Variants in LRMDA observed in about 807,000 individuals in gnomAD.
LRMDA encodes the protein leucine rich melanocyte differentiation associated, also known as leucine-rich melanocyte differentiation-associated protein.
Under a neutral mutation model 29.8 loss-of-function variants are expected in LRMDA, and 18 were observed. The ratio of observed to expected loss-of-function variants is 0.60; its 90% CI spans 0.42 to 0.90. The LOEUF is 0.90. Among genes scored for constraint, LRMDA ranks in the 40% least tolerant of loss-of-function variants. The pLI, the probability that LRMDA is intolerant of heterozygous loss-of-function variation, is 0.00. For missense variants in LRMDA, 273 were observed against 273.9 expected, an observed-to-expected ratio of 1.00 and a Z score of 0.02; for synonymous variants, 125 against 109.4, an observed-to-expected ratio of 1.14 and a Z score of -0.89.
Position 75,954,349 on chromosome 10 carries a change from C to T in LRMDA, c.132-81659C>T, listed in dbSNP as rs562532341. Reference sequence around the variant, plus strand: ...AAGGTCTATCCCGATGATAGGCAGCCCCCCACCGTAAGCTCATATGCAGCC... The same window carrying T: ...AAGGTCTATCCCGATGATAGGCAGCTCCCCACCGTAAGCTCATATGCAGCC... On this transcript the variant is annotated intron_variant, in intron 2 of 6. Coordinates refer to ENST00000611255, the MANE Select transcript of LRMDA (RefSeq NM_001305581.2). Among the ~76,000 whole-genome samples the T allele has an allele frequency of 2.0e-5, 3 of 152,240 alleles. No individual in the cohort carries two copies. The East Asian group carries it at 5.8e-4, about 29-fold the overall frequency.
At position 76,014,130 on chromosome 10, in the gene LRMDA, A is replaced by ATATATATATATATAAT. The variant is rs1328904871; in HGVS notation, c.132-21850_132-21835dup. Reference sequence around the variant, plus strand: ...AGTATATATATATATATATAATTATATATATATATATATAATTATATATAT... The same window carrying ATATATATATATATAAT: ...AGTATATATATATATATATAATTATATATATATATATATAATTATATATATATATAATTATATATAT... On this transcript the variant is annotated intron_variant, in intron 2 of 6. Transcript: ENST00000611255. 7.3e-5 allele frequency among the ~76,000 whole-genome samples: 10 copies of ATATATATATATATAAT among 136,666 alleles called. No homozygotes were observed. In the South Asian group the frequency reaches 1.8e-3, roughly 25 times the overall value. The allele number at this position is 136,666 out of a possible 152,430, so 89.7% of individuals were successfully genotyped here. A position where few individuals can be genotyped will look rare whatever the true frequency, so the allele number is the denominator to read the frequency against.
intron 5 of LRMDA, among the ~76,000 whole-genome samples, chr10:76,091,842 C>T (rs1052540984): frequency 1.3e-5 from 2 of 148,348 alleles, no homozygotes; most frequent in Non-Finnish European, 3.0e-5. Flanking sequence ...TGTGCCACCA[C>T]ATCTGGGTGA....
chr10:76,107,540 C>T (rs1849506948), intron 5 of LRMDA, among the ~76,000 whole-genome samples: 1 of 152,178 alleles, frequency 6.6e-6, no homozygotes, highest in Non-Finnish European at 1.5e-5. Flanking sequence ...TGATTCTGTG[C>T]AGCCCATCTG....
intron 2 of LRMDA, among the ~76,000 whole-genome samples, chr10:75,867,834 T>G (rs1243096622): frequency 2.6e-5 from 4 of 152,154 alleles, no homozygotes; most frequent in African/African-American, 9.7e-5. Flanking sequence ...AAATAGTAGC[T>G]ATTTTTGGCT....
chr10:75,442,684 G>A (rs1358264260), intron 2 of LRMDA, among the ~76,000 whole-genome samples: 1 of 152,134 alleles, frequency 6.6e-6, no homozygotes, highest in African/African-American at 2.4e-5. Context: ...GTCAGGTAGT[G>A]TGATGCCTCT....
intron 6 of LRMDA, among the ~76,000 whole-genome samples, chr10:76,413,629 C>T (rs1343105023): frequency 1.3e-5 from 2 of 152,138 alleles, no homozygotes; most frequent in African/African-American, 4.8e-5. Flanking sequence ...GGTGAGGACA[C>T]AGCCAAACCA....
At chr10:75,743,697 C>G (rs1030868849) in intron 2 of LRMDA, 1 of 152,042 alleles carries the variant, frequency 6.6e-6, no homozygotes, top group African/African-American at 2.4e-5. Context: ...ATGAGGCAAA[C>G]GTTTAGAGAA....
In LRMDA at chr10:75,964,288, C is replaced by G. The variant is rs536726266; in HGVS notation, c.132-71720C>G. On this transcript the variant is annotated intron_variant, in intron 2 of 6. Coordinates refer to ENST00000611255, the MANE Select transcript of LRMDA (RefSeq NM_001305581.2). ...GATGTTAAGAAATGTTTGGTTCCTC[C>G]CTTTGGAAAGCATCCAATTAACACA... is the stretch of plus-strand genomic sequence containing the variant. Among the ~76,000 whole-genome samples the G allele has an allele frequency of 2.0e-5, 3 of 152,276 alleles. No individual in the cohort carries two copies. In the South Asian group the frequency reaches 6.2e-4, roughly 32 times the overall value.
At chr10:76,011,565 C>T (rs1055938746) in intron 2 of LRMDA, among the ~76,000 whole-genome samples, 2 of 152,052 alleles carry the variant, frequency 1.3e-5, no homozygotes, top group African/African-American at 4.8e-5. Flanking sequence ...GGTGAGTGGG[C>T]GAGGCAGACG....
At chr10:75,835,373 C>T (rs575290489) in intron 2 of LRMDA, among the ~76,000 whole-genome samples, 24 of 152,312 alleles carry the variant, frequency 1.6e-4, no homozygotes, top group Non-Finnish European at 2.6e-4. Flanking sequence ...CTGCATCCTT[C>T]TTATAAGTAC....
At chr10:76,239,577 C>T (rs1852231120) in intron 5 of LRMDA, among the ~76,000 whole-genome samples, 1 of 151,562 alleles carries the variant, frequency 6.6e-6, no homozygotes, top group Non-Finnish European at 1.5e-5. Flanking sequence ...GTCTCTTATG[C>T]TCTCTGTTTC....
chr10:76,072,732 C>G (rs545628034), intron 5 of LRMDA, among the ~76,000 whole-genome samples: 2 of 152,326 alleles, frequency 1.3e-5, no homozygotes, highest in East Asian at 3.9e-4. Flanking sequence ...TTCCTGTTCC[C>G]AGAGATGAAA....
At chr10:75,779,471 A>G (rs923676628) in intron 2 of LRMDA, among the ~76,000 whole-genome samples, 3 of 152,242 alleles carry the variant, frequency 2.0e-5, no homozygotes, top group African/African-American at 7.2e-5. Flanking sequence ...AGAGCAACCT[A>G]AAAGGGCTTT....
In LRMDA at chr10:75,765,144, T is replaced by C. The variant is rs554769621; in HGVS notation, c.132-270864T>C. Reference sequence around the variant, plus strand: ...TCACTCATCTACTTAGTTTTACTTTTGTAATAACCAGCTTCATTTATTTCC... The same window carrying C: ...TCACTCATCTACTTAGTTTTACTTTCGTAATAACCAGCTTCATTTATTTCC... On this transcript the variant is annotated intron_variant, in intron 2 of 6. Coordinates refer to ENST00000611255, the MANE Select transcript of LRMDA (RefSeq NM_001305581.2). Among the ~76,000 whole-genome samples the C allele has an allele frequency of 2.5e-3, 374 of 152,348 alleles. 2 individuals are homozygous for C. Among genetic ancestry groups the C allele is most frequent in the African/African-American group, 8.3e-3 (347 of 41,572 alleles).
chr10:76,020,661 A>G (rs1417232502), intron 2 of LRMDA, among the ~76,000 whole-genome samples: 1 of 152,180 alleles, frequency 6.6e-6, no homozygotes, highest in Admixed American at 6.5e-5. Flanking sequence ...AGGGCCTGTG[A>G]GAAGAGTCTC....
chr10:75,729,678 G>T (rs1040563296), intron 2 of LRMDA, among the ~76,000 whole-genome samples: 1 of 152,168 alleles, frequency 6.6e-6, no homozygotes, highest in Admixed American at 6.5e-5. Context: ...GTATCTGTGT[G>T]GTAGTAACTT....
At position 76,019,115 on chromosome 10, in the gene LRMDA, T is replaced by G. The variant is rs533698250; in HGVS notation, c.132-16893T>G. On this transcript the variant is annotated intron_variant, in intron 2 of 6. Coordinates refer to ENST00000611255, the MANE Select transcript of LRMDA (RefSeq NM_001305581.2). ...AAGTATCCCAATTTAGACAGCAAAT[T>G]TTATGGTCATCTTACCCTCGGGCCG... Among the ~76,000 whole-genome samples, 5 of 152,196 alleles carry G rather than the reference T, an allele frequency of 3.3e-5. No homozygotes were observed. In the East Asian group the frequency reaches 7.8e-4, roughly 24 times the overall value.
intron 2 of LRMDA, among the ~76,000 whole-genome samples, chr10:75,473,524 A>G (rs1236505012): frequency 6.6e-6 from 1 of 152,230 alleles, no homozygotes; most frequent in Non-Finnish European, 1.5e-5. Flanking sequence ...GTGGCTCAGC[A>G]GCCTGCATTT....
chr10:75,831,354 T>G (rs1474232073), intron 2 of LRMDA, among the ~76,000 whole-genome samples: 1 of 152,076 alleles, frequency 6.6e-6, no homozygotes, highest in Admixed American at 6.6e-5. Context: ...GCCAGGGCAG[T>G]CAAATCTTAA....
Sources: allele counts gnomAD v4.1 joint callset (sites outside exome capture counted in the v4.1 genomes callset), GRCh38; gene constraint gnomAD v4.1.1; transcripts MANE v1.5; gene names NCBI Gene and HGNC (gene_info 2026-07-23, HGNC 2026-07-21).